Variants in TMEM116 observed in about 807,000 individuals in gnomAD.
TMEM116 encodes the protein transmembrane protein 116.
TMEM116 carries 38 observed loss-of-function variants against 44.3 expected under a neutral mutation model. The ratio of observed to expected loss-of-function variants is 0.86; its 90% CI spans 0.66 to 1.12. The LOEUF (loss-of-function observed/expected upper bound fraction) is 1.12. Ranked by LOEUF, TMEM116 falls within the 50% of genes most tolerant of loss-of-function variation. The pLI, the probability that TMEM116 is intolerant of heterozygous loss-of-function variation, is 0.00. For synonymous variants in TMEM116, 132 were observed against 144.8 expected (o/e 0.91, Z 0.64); for missense variants, 354 against 401.7 (o/e 0.88, Z 1.01).
intron 4 of TMEM116, among the ~76,000 whole-genome samples, chr12:111,963,653 C>T (rs2074770771): frequency 6.6e-6 from 1 of 152,026 alleles, no homozygotes; most frequent in South Asian, 2.1e-4. Flanking sequence ...ACATCACACA[C>T]CAGGGCCTGT....
At chr12:111,966,067 G>C (rs908955404) in intron 4 of TMEM116, among the ~76,000 whole-genome samples, 1 of 152,252 alleles carries the variant, frequency 6.6e-6, no homozygotes, top group African/African-American at 2.4e-5. Context: ...AGCACTTTGG[G>C]AGGCTGAGGC....
At chr12:111,976,029 C>A (rs1435281032) in intron 4 of TMEM116, among the ~76,000 whole-genome samples, 1 of 152,012 alleles carries the variant, frequency 6.6e-6, no homozygotes, top group Non-Finnish European at 1.5e-5. Flanking sequence ...GAGATGGAGT[C>A]TTGCTCTGTC....
At chr12:111,937,055 T>A in intron 7 of TMEM116, 105 bp downstream of exon 7, 1 of 1,160,106 alleles carries the variant, frequency 8.6e-7, no homozygotes, top group East Asian at 2.5e-5. Context: ...ATTTCTAATA[T>A]TAGCACTTTG....
intron 4 of TMEM116, among the ~76,000 whole-genome samples, chr12:111,975,963 C>G (rs1464112540): frequency 6.6e-6 from 1 of 152,132 alleles, no homozygotes; most frequent in East Asian, 1.9e-4. Context: ...GAGGTTCAAA[C>G]CATCAACTCC....
intron 5 of TMEM116, among the ~76,000 whole-genome samples, chr12:111,939,734 G>A (rs1271609147): frequency 2.0e-5 from 3 of 151,810 alleles, no homozygotes; most frequent in East Asian, 1.9e-4. Context: ...AGGCTGAGAC[G>A]GGAGGATCAC....
chr12:111,983,080 G>A (rs192928662), intron 4 of TMEM116, among the ~76,000 whole-genome samples: 44 of 152,128 alleles, frequency 2.9e-4, no homozygotes, highest in Admixed American at 2.6e-3. Context: ...AAGACCACTT[G>A]AGCACAGGAG....
intron 1 of TMEM116, chr12:112,011,880 G>A (rs1371710978): frequency 3.3e-5 from 5 of 152,154 alleles, no homozygotes; most frequent in African/African-American, 4.8e-5. Flanking sequence ...TCTACTTATT[G>A]TAGAGACGAG....
intron 4 of TMEM116, among the ~76,000 whole-genome samples, chr12:111,958,084 T>C (rs1206229059): frequency 1.7e-3 from 251 of 143,430 alleles, no homozygotes; most frequent in African/African-American, 3.2e-3. Flanking sequence ...AGCATGCTCG[T>C]TAAGAGTCAT....
intron 1 of TMEM116, chr12:112,011,461 A>G (rs893065084): frequency 1.3e-5 from 2 of 152,204 alleles, no homozygotes; most frequent in African/African-American, 4.8e-5. Flanking sequence ...GGAAACATAC[A>G]ATGGTTAATT....
At chr12:112,008,165 C>T (rs60998439) in intron 1 of TMEM116, among the ~76,000 whole-genome samples, 1 of 151,976 alleles carries the variant, frequency 6.6e-6, no homozygotes, top group African/African-American at 2.4e-5. Flanking sequence ...CCAGCCTGAG[C>T]GACAGAGTGA....
intron 4 of TMEM116, among the ~76,000 whole-genome samples, chr12:111,962,639 C>T (rs375674790): frequency 6.6e-6 from 1 of 152,158 alleles, no homozygotes; most frequent in South Asian, 2.1e-4. Flanking sequence ...TGGACCCGTT[C>T]CTTACACCTT....
chr12:111,986,670 G>A (rs1378617328), intron 4 of TMEM116, among the ~76,000 whole-genome samples: 2 of 152,004 alleles, frequency 1.3e-5, no homozygotes, highest in African/African-American at 2.4e-5. Flanking sequence ...TTATCCAGGT[G>A]TGGTGGCATG....
intron 10 of TMEM116, 89 bp downstream of exon 10, chr12:111,932,497 G>GA (rs1489198949): frequency 2.3e-4 from 258 of 1,121,510 alleles, no homozygotes; most frequent in Non-Finnish European, 2.2e-4. Context: ...TACCCGGAGG[G>GA]AAAAAATCAT....
chr12:111,952,271 T>C (rs911961706), intron 4 of TMEM116, among the ~76,000 whole-genome samples: 3 of 152,098 alleles, frequency 2.0e-5, no homozygotes, highest in Non-Finnish European at 4.4e-5. Context: ...ACTGACTTGC[T>C]GACTTGGCTC....
intron 4 of TMEM116, among the ~76,000 whole-genome samples, chr12:111,964,572 T>C (rs1593424792): frequency 6.6e-6 from 1 of 152,328 alleles, no homozygotes; most frequent in East Asian, 1.9e-4. Flanking sequence ...GAACCAAATT[T>C]TTTTTCCTGC....
Position 111,975,733 on chromosome 12 carries a change from G to A in TMEM116, c.210+16025C>T, listed in dbSNP as rs563766192. ...CATCAGAGCCTTATCTGACATGGGG[G>A]AAGGACAATTAGTCAACTTCGGCCC... On this transcript the variant is annotated intron_variant, in intron 4 of 10. Coordinates refer to ENST00000552374, the MANE Select transcript of TMEM116 (RefSeq NM_001193531.2). Among the ~76,000 whole-genome samples, 3 of 152,120 alleles carry A rather than the reference G, an allele frequency of 2.0e-5. No homozygotes were observed. In the South Asian group the frequency reaches 6.2e-4, roughly 32 times the overall value.
chr12:112,011,534 C>T (rs1405986642), intron 1 of TMEM116: 2 of 152,224 alleles, frequency 1.3e-5, no homozygotes, highest in Non-Finnish European at 2.9e-5. Context: ...TTCATCAAAT[C>T]TTGTGAATTC....
chr12:111,972,486 A>G (rs572358200), intron 4 of TMEM116, among the ~76,000 whole-genome samples: 36 of 152,244 alleles, frequency 2.4e-4, no homozygotes, highest in African/African-American at 8.4e-4. Flanking sequence ...ACTTGACAGA[A>G]TTGATATTTA....
chr12:111,971,004 T>C, intron 4 of TMEM116, among the ~76,000 whole-genome samples: 1 of 152,188 alleles, frequency 6.6e-6, no homozygotes, highest in East Asian at 1.9e-4. Context: ...TTGAAAACAA[T>C]GCAAGCAAAA....
Sources: gnomAD v4.1 joint callset for allele counts (sites outside exome capture counted in the v4.1 genomes callset) on GRCh38, gnomAD v4.1.1 for gene constraint, MANE v1.5 for transcripts, NCBI Gene and HGNC (gene_info 2026-07-23, HGNC 2026-07-21) for gene names.